Variants in CSMD1 observed in about 807,000 individuals in gnomAD.
The protein encoded by CSMD1 is CUB and sushi domain-containing protein 1.
A neutral mutation model predicts 417.5 loss-of-function variants in CSMD1; 213 were observed. The observed-to-expected ratio is 0.51, with a 90% CI of 0.46 to 0.57. The LOEUF is 0.57. Among genes scored for constraint, CSMD1 ranks in the 20% least tolerant of loss-of-function variants. The probability of loss-of-function intolerance (pLI) is 0.00; values close to 1 mark genes in which losing one functional copy is unlikely to be tolerated. For synonymous variants in CSMD1, 2,862 were observed against 1,736.8 expected (o/e 1.65, Z -16.11); for missense variants, 6,923 against 4,529.7 (o/e 1.53, Z -15.17).
At chr8:4,585,803 A>T (rs968614583) in intron 2 of CSMD1, among the ~76,000 whole-genome samples, 40 of 152,316 alleles carry the variant, frequency 2.6e-4, no homozygotes, top group African/African-American at 7.5e-4. Flanking sequence ...GTTAAATTAA[A>T]TCTGAGTAAA....
chr8:4,441,994 G>C (rs1798510790), intron 2 of CSMD1, among the ~76,000 whole-genome samples: 1 of 152,154 alleles, frequency 6.6e-6, no homozygotes, highest in African/African-American at 2.4e-5. Flanking sequence ...ATAAAAGGTA[G>C]ACTTGCCCTG....
intron 10 of CSMD1, among the ~76,000 whole-genome samples, chr8:3,530,922 A>G (rs925083909): frequency 3.3e-5 from 5 of 149,298 alleles, no homozygotes; most frequent in Non-Finnish European, 1.5e-5. Flanking sequence ...CAGTGGTACG[A>G]TCTCACTGCA....
At chr8:4,261,099 G>C (rs960468798) in intron 3 of CSMD1, among the ~76,000 whole-genome samples, 3 of 152,078 alleles carry the variant, frequency 2.0e-5, no homozygotes, top group Non-Finnish European at 4.4e-5. Flanking sequence ...ATTTTTCTAT[G>C]TGTCATTTAC....
intron 10 of CSMD1, among the ~76,000 whole-genome samples, chr8:3,542,864 G>A (rs1456904352): frequency 2.6e-5 from 4 of 152,144 alleles, no homozygotes; most frequent in East Asian, 3.9e-4. Context: ...CTGCTTTCCC[G>A]TGTCCCTCAG....
At chr8:3,780,394 G>A (rs73498891) in intron 5 of CSMD1, among the ~76,000 whole-genome samples, 1 of 151,948 alleles carries the variant, frequency 6.6e-6, no homozygotes, top group Admixed American at 6.6e-5. Flanking sequence ...CTTAATTATC[G>A]CCTTTTCAGC....
intron 25 of CSMD1, among the ~76,000 whole-genome samples, chr8:3,286,309 C>T (rs956715731): frequency 6.6e-6 from 1 of 152,092 alleles, no homozygotes; most frequent in Non-Finnish European, 1.5e-5. Context: ...GTCTTTATAG[C>T]AGCATGATTT....
intron 3 of CSMD1, among the ~76,000 whole-genome samples, chr8:4,313,136 G>A (rs866718471): frequency 2.0e-5 from 3 of 152,136 alleles, no homozygotes; most frequent in Admixed American, 6.5e-5. Context: ...CTTAGACAGT[G>A]AGCAAGCTGG....
At chr8:3,906,563 C>T (rs1029318658) in intron 5 of CSMD1, among the ~76,000 whole-genome samples, 47 of 150,526 alleles carry the variant, frequency 3.1e-4, no homozygotes, top group African/African-American at 1.1e-3. Flanking sequence ...GAAATATAAG[C>T]TGTACCATGA....
chr8:4,523,407 AC>A (rs1267629250), intron 2 of CSMD1, among the ~76,000 whole-genome samples: 1 of 152,060 alleles, frequency 6.6e-6, no homozygotes, highest in Non-Finnish European at 1.5e-5. Flanking sequence ...GAATTTTCCT[AC>A]TTTTGTATTA....
At chr8:3,170,288 A>G (rs4875088) in intron 37 of CSMD1, among the ~76,000 whole-genome samples, 147,541 of 152,234 alleles carry the variant, frequency 0.97, 71,659 homozygotes, top group Middle Eastern at 0.99. Flanking sequence ...GCTCACTGCA[A>G]GCTCCGCCTC....
chr8:3,456,387 C>G (rs749542502), intron 12 of CSMD1, among the ~76,000 whole-genome samples: 1 of 152,146 alleles, frequency 6.6e-6, no homozygotes, highest in African/African-American at 2.4e-5. Flanking sequence ...TTCTGCATCC[C>G]TCACGCTGGG....
intron 26 of CSMD1, among the ~76,000 whole-genome samples, chr8:3,242,947 CA>C (rs1351898971): frequency 2.6e-5 from 4 of 152,194 alleles, no homozygotes; most frequent in African/African-American, 9.6e-5. Context: ...CGTGGGTGAA[CA>C]ATCAGAGAGA....
At chr8:3,845,477 A>C (rs1379096994) in intron 5 of CSMD1, among the ~76,000 whole-genome samples, 1 of 152,190 alleles carries the variant, frequency 6.6e-6, no homozygotes, top group Non-Finnish European at 1.5e-5. Context: ...AATCAGCATA[A>C]AAGATAGAAA....
chr8:4,510,389 C>CAAAAAAAAAAAAAA (rs1563243981), intron 2 of CSMD1, among the ~76,000 whole-genome samples: 7 of 10,960 alleles, frequency 6.4e-4, no homozygotes, highest in African/African-American at 2.9e-3. Context: ...AGCATAATGC[C>CAAAAAAAAAAAAAA]TAAAAAAAAA....
intron 3 of CSMD1, among the ~76,000 whole-genome samples, chr8:4,127,331 C>T (rs962173461): frequency 2.0e-5 from 3 of 151,638 alleles, no homozygotes; most frequent in African/African-American, 7.3e-5. Flanking sequence ...TTCTTTCTGG[C>T]AGTACAAGCC....
intron 7 of CSMD1, among the ~76,000 whole-genome samples, chr8:3,625,522 C>G (rs868794921): frequency 6.6e-6 from 1 of 152,010 alleles, no homozygotes. Flanking sequence ...CCAATTTTAC[C>G]CATGTTCTCT....
At chr8:4,677,495 G>A (rs1805771859) in intron 1 of CSMD1, among the ~76,000 whole-genome samples, 1 of 152,014 alleles carries the variant, frequency 6.6e-6, no homozygotes, top group Non-Finnish European at 1.5e-5. Context: ...ATTTTTATAT[G>A]TTCAAGCCAG....
chr8:4,263,349 G>A (rs1023592996), intron 3 of CSMD1, among the ~76,000 whole-genome samples: 2 of 152,054 alleles, frequency 1.3e-5, no homozygotes, highest in Non-Finnish European at 2.9e-5. Context: ...CTGGAGTTAT[G>A]GTGAACAAAC....
At chr8:3,258,290 G>T (rs995221535) in intron 26 of CSMD1, among the ~76,000 whole-genome samples, 4 of 152,128 alleles carry the variant, frequency 2.6e-5, no homozygotes, top group African/African-American at 9.7e-5. Flanking sequence ...CAAAGGACAT[G>T]AACAGACACT....
Sources: gnomAD v4.1 joint callset for allele counts (sites outside exome capture counted in the v4.1 genomes callset) on GRCh38, gnomAD v4.1.1 for gene constraint, MANE v1.5 for transcripts, NCBI Gene and HGNC (gene_info 2026-07-23, HGNC 2026-07-21) for gene names.